ZMIZ1: variants seen among roughly 807,000 people sequenced by gnomAD.
The protein encoded by ZMIZ1 is zinc finger MIZ-type containing 1.
A neutral mutation model predicts 113.9 loss-of-function variants in ZMIZ1; 17 were observed. That is an observed-to-expected ratio of 0.15 (90% confidence interval 0.10 to 0.22). ZMIZ1 has a LOEUF of 0.22. Ranked by LOEUF, ZMIZ1 falls within the 10% of genes least tolerant of loss-of-function variation. The pLI, the probability that ZMIZ1 is intolerant of heterozygous loss-of-function variation, is 1.00. For missense variants in ZMIZ1, 1,059 were observed against 1,477.8 expected (o/e 0.72, Z 4.65); for synonymous variants, 607 against 603.1 (o/e 1.01, Z -0.09).
Position 79,198,662 on chromosome 10 carries a change from C to A in ZMIZ1, c.-49-2922C>A, listed in dbSNP as rs182002930. ...CCCAGATGACCCAGCAACTCCACTT[C>A]TGAGCCTATGTTCTCTAGACTAATT... is the stretch of plus-strand genomic sequence containing the variant. On this transcript the variant is annotated intron_variant, in intron 4 of 24. Transcript: ENST00000334512. 1.8e-4 allele frequency among the ~76,000 whole-genome samples: 27 copies of A among 152,374 alleles called. No homozygotes were observed. The East Asian group carries it at 5.0e-3, about 28-fold the overall frequency.
chr10:79,199,856 T>G (rs1297653529), intron 4 of ZMIZ1, among the ~76,000 whole-genome samples: 1 of 152,204 alleles, frequency 6.6e-6, no homozygotes. Flanking sequence ...ACACATCCTT[T>G]AAAGCAATTG....
At chr10:79,138,462 C>A (rs1845115536) in intron 2 of ZMIZ1, among the ~76,000 whole-genome samples, 1 of 152,214 alleles carries the variant, frequency 6.6e-6, no homozygotes, top group African/African-American at 2.4e-5. Context: ...TCCTTTGGGA[C>A]ACCCCGTCCC....
At chr10:79,116,092 C>T (rs1176012209) in intron 1 of ZMIZ1, among the ~76,000 whole-genome samples, 2 of 152,192 alleles carry the variant, frequency 1.3e-5, no homozygotes, top group Middle Eastern at 3.4e-3. Context: ...ATAATCCCCC[C>T]GTAAGCCCTG....
At chr10:79,142,183 C>G (rs1016863926) in intron 3 of ZMIZ1, among the ~76,000 whole-genome samples, 2 of 152,050 alleles carry the variant, frequency 1.3e-5, no homozygotes, top group Non-Finnish European at 2.9e-5. Flanking sequence ...CTGTTTCAGA[C>G]ACATTGAGTT....
At chr10:79,248,223 G>T (rs1646431668) in intron 7 of ZMIZ1, among the ~76,000 whole-genome samples, 1 of 152,170 alleles carries the variant, frequency 6.6e-6, no homozygotes, top group Non-Finnish European at 1.5e-5. Flanking sequence ...GGCTGGAGCG[G>T]CCTGAAACAC....
At chr10:79,105,240 A>T (rs931653027) in intron 1 of ZMIZ1, among the ~76,000 whole-genome samples, 3 of 152,230 alleles carry the variant, frequency 2.0e-5, no homozygotes, top group Non-Finnish European at 4.4e-5. Flanking sequence ...CGCAGGTCAC[A>T]GCGACTCTGC....
chr10:79,195,088 C>T (rs1314741776), intron 4 of ZMIZ1, among the ~76,000 whole-genome samples: 2 of 152,206 alleles, frequency 1.3e-5, no homozygotes, highest in African/African-American at 4.8e-5. Flanking sequence ...CTTCAGCCTC[C>T]CCATGGACCT....
chr10:79,081,073 A>C (rs538002662), intron 1 of ZMIZ1, among the ~76,000 whole-genome samples: 4 of 152,258 alleles, frequency 2.6e-5, no homozygotes, highest in South Asian at 4.2e-4. Flanking sequence ...CTCCACGGAC[A>C]GGCTGCTCCC....
intron 4 of ZMIZ1, among the ~76,000 whole-genome samples, chr10:79,181,775 C>G (rs772797820): frequency 3.9e-5 from 6 of 152,198 alleles, no homozygotes; most frequent in Non-Finnish European, 7.3e-5. Context: ...CTTCCTCTAC[C>G]CACAACCCAC....
intron 6 of ZMIZ1, among the ~76,000 whole-genome samples, chr10:79,209,187 G>A (rs1398641848): frequency 6.6e-6 from 1 of 151,554 alleles, no homozygotes; most frequent in African/African-American, 2.4e-5. Flanking sequence ...GCAGCAGAGG[G>A]GGCAGGAGTG....
At chr10:79,108,268 T>G (rs1156354249) in intron 1 of ZMIZ1, among the ~76,000 whole-genome samples, 1 of 152,124 alleles carries the variant, frequency 6.6e-6, no homozygotes, top group Non-Finnish European at 1.5e-5. Flanking sequence ...CCAGTCCCCC[T>G]TTACAGACAG....
chr10:79,122,345 C>G (rs907663348), intron 2 of ZMIZ1, among the ~76,000 whole-genome samples: 1 of 152,154 alleles, frequency 6.6e-6, no homozygotes, highest in Non-Finnish European at 1.5e-5. Flanking sequence ...CTTTCCGTCA[C>G]GTAGTGATGT....
In ZMIZ1 at chr10:79,069,038, G is replaced by C. The variant is rs1443118528; in HGVS notation, c.-569G>C. Reference sequence around the variant, plus strand: ...TTAAAAAAGCGAGCGGCGGCGGCGGGCGCCGGGGAGAGCGGGCGGCCGGGC... The same window carrying C: ...TTAAAAAAGCGAGCGGCGGCGGCGGCCGCCGGGGAGAGCGGGCGGCCGGGC... On this transcript the variant is annotated 5_prime_UTR_variant, in exon 1 of 25. Transcript: ENST00000334512. This position sits in a 1 kb window ranked among gnomAD's most constrained non-coding sequence, Gnocchi z 4.6. The C allele has an allele frequency of 4.0e-5, 6 of 151,658 alleles. No homozygotes were observed. Among genetic ancestry groups the C allele is most frequent in the Non-Finnish European group, 8.8e-5 (6 of 67,834 alleles). The allele number at this position is 151,658 out of a possible 1,614,324, so 9.4% of individuals were successfully genotyped here.
intron 3 of ZMIZ1, among the ~76,000 whole-genome samples, chr10:79,143,330 C>T (rs980648586): frequency 4.6e-5 from 7 of 152,110 alleles, no homozygotes; most frequent in Non-Finnish European, 1.0e-4. Flanking sequence ...GAGGGCTCCC[C>T]GAGACTCTGG....
chr10:79,306,396 C>G (rs370284812), intron 22 of ZMIZ1, 52 bp downstream of exon 22: 2 of 1,586,308 alleles, frequency 1.3e-6, no homozygotes. Flanking sequence ...CCCCAAGTCC[C>G]TGCAGAGGCA....
intron 4 of ZMIZ1, among the ~76,000 whole-genome samples, chr10:79,191,737 G>T (rs1274409670): frequency 1.3e-5 from 2 of 152,220 alleles, no homozygotes. Flanking sequence ...AAAAACATGG[G>T]CTTTGTAATC....
intron 7 of ZMIZ1, among the ~76,000 whole-genome samples, chr10:79,219,588 G>T (rs530221999): frequency 7.6e-4 from 115 of 152,316 alleles, no homozygotes; most frequent in Non-Finnish European, 1.4e-3. Flanking sequence ...AGGCCTCTGA[G>T]TGGCATTCCC....
At chr10:79,127,257 G>A (rs1249951527) in intron 2 of ZMIZ1, among the ~76,000 whole-genome samples, 1 of 152,140 alleles carries the variant, frequency 6.6e-6, no homozygotes, top group Non-Finnish European at 1.5e-5. Context: ...CCTCCCCATA[G>A]CCCTGGGCTC....
intron 4 of ZMIZ1, among the ~76,000 whole-genome samples, chr10:79,194,051 T>G (rs1643178942): frequency 6.6e-6 from 1 of 152,224 alleles, no homozygotes. Context: ...CTTCTGGCTG[T>G]GTCTTGGAAC....
Sources: allele counts gnomAD v4.1 joint callset (sites outside exome capture counted in the v4.1 genomes callset), GRCh38; gene constraint gnomAD v4.1.1; non-coding constraint Gnocchi (gnomAD v3.1); transcripts MANE v1.5; gene names NCBI Gene and HGNC (gene_info 2026-07-23, HGNC 2026-07-21).